Variants in MAML2 observed in about 807,000 individuals in gnomAD.
The protein encoded by MAML2 is mastermind like transcriptional coactivator 2.
Under a neutral mutation model 96.1 loss-of-function variants are expected in MAML2, and 22 were observed. That is an observed-to-expected ratio of 0.23 (90% CI 0.16 to 0.33). The LOEUF is 0.33. Ranked by LOEUF, MAML2 falls within the 10% of genes least tolerant of loss-of-function variation. The pLI is 1.00. For missense variants in MAML2, 1,367 were observed against 1,392.4 expected (o/e 0.98, Z 0.29); for synonymous variants, 561 against 521.3 (o/e 1.08, Z -1.04).
chr11:95,991,810 C>T (rs1458505087), intron 2 of MAML2, 87 bp from the exon 3 acceptor site: 8 of 974,916 alleles, frequency 8.2e-6, no homozygotes, highest in Non-Finnish European at 1.3e-5. Context: ...AGATTCCAAA[C>T]ATTTTTCATC....
chr11:96,112,660 C>T (rs113411562), intron 1 of MAML2, among the ~76,000 whole-genome samples: 1 of 152,190 alleles, frequency 6.6e-6, no homozygotes, highest in Non-Finnish European at 1.5e-5. Context: ...GAGGATAGGC[C>T]TCTGACCTCC....
At chr11:96,136,064 G>A (rs977838377) in intron 1 of MAML2, among the ~76,000 whole-genome samples, 7 of 151,122 alleles carry the variant, frequency 4.6e-5, no homozygotes, top group South Asian at 4.1e-4. Context: ...TCAATTATAC[G>A]TGATATGTAA....
chr11:96,227,063 G>C (rs1469704851), intron 1 of MAML2, among the ~76,000 whole-genome samples: 1 of 152,142 alleles, frequency 6.6e-6, no homozygotes, highest in Non-Finnish European at 1.5e-5. Context: ...AACATGTCAA[G>C]CTGTCTCCTA....
chr11:95,992,830 G>A (rs990574447), intron 2 of MAML2, among the ~76,000 whole-genome samples: 3 of 151,920 alleles, frequency 2.0e-5, no homozygotes, highest in African/African-American at 7.3e-5. Context: ...TTGGTCCAGG[G>A]AATATGCTTT....
chr11:95,997,951 A>C (rs1051660643), intron 2 of MAML2, among the ~76,000 whole-genome samples: 5 of 152,102 alleles, frequency 3.3e-5, no homozygotes, highest in South Asian at 2.1e-4. Context: ...TATATTTTTA[A>C]AATGTTTCCA....
intron 1 of MAML2, among the ~76,000 whole-genome samples, chr11:96,109,931 G>C (rs144276641): frequency 2.6e-5 from 4 of 152,202 alleles, no homozygotes; most frequent in Non-Finnish European, 4.4e-5. Context: ...CAAGGAACAA[G>C]AAGAGAAAAG....
chr11:96,039,315 G>A lies in MAML2; in HGVS notation c.2140-47592C>T, dbSNP rs1858768308. On this transcript the variant is annotated intron_variant, in intron 2 of 4. Transcript: ENST00000524717. ...GTGAGAGAAGAGAGAAGAGAGGGGA[G>A]AGAGGAGGAGAGGAGGGGAGGGGAG... is the stretch of plus-strand genomic sequence containing the variant. 2.1e-5 allele frequency among the ~76,000 whole-genome samples: 3 copies of A among 142,366 alleles called. No homozygotes were observed. The South Asian group carries it at 7.3e-4, about 35-fold the overall frequency. The allele number at this position is 142,366 out of a possible 152,430, so 93.4% of individuals were successfully genotyped here. A position where few individuals can be genotyped will look rare whatever the true frequency, so the allele number is the denominator to read the frequency against.
chr11:96,305,325 G>A (rs1863448708), intron 1 of MAML2, among the ~76,000 whole-genome samples: 1 of 152,094 alleles, frequency 6.6e-6, no homozygotes, highest in Admixed American at 6.6e-5. Context: ...AACACCAAGA[G>A]TGAATCCTAA....
intron 1 of MAML2, among the ~76,000 whole-genome samples, chr11:96,115,922 C>T (rs1212931285): frequency 1.3e-5 from 2 of 152,042 alleles, no homozygotes; most frequent in South Asian, 2.1e-4. Flanking sequence ...TTCATAGGTC[C>T]CCAAAGAAAC....
chr11:95,996,068 A>AAATCAATC lies in MAML2; in HGVS notation c.2140-4353_2140-4346dup, dbSNP rs58055593. 1.5e-3 allele frequency among the ~76,000 whole-genome samples: 226 copies of AAATCAATC among 151,260 alleles called. 1 individual carries two copies. Among genetic ancestry groups the AAATCAATC allele is most frequent in the South Asian group, 8.2e-3 (39 of 4,750 alleles). On this transcript the variant is annotated intron_variant, in intron 2 of 4. Coordinates refer to ENST00000524717, the MANE Select transcript of MAML2 (RefSeq NM_032427.4). ...CCCGGGAACTTAAAAGTTGAAGGAAAAATCAATCAATCAATCAATCAATCA... is the reference window on the plus strand; with the variant it reads ...CCCGGGAACTTAAAAGTTGAAGGAAAAATCAATCAATCAATCAATCAATCAATCAATCA...
chr11:96,012,530 G>C (rs1428214634), intron 2 of MAML2, among the ~76,000 whole-genome samples: 2 of 152,132 alleles, frequency 1.3e-5, no homozygotes, highest in African/African-American at 2.4e-5. Context: ...CATCTACAGA[G>C]TCTCTATGTG....
intron 1 of MAML2, among the ~76,000 whole-genome samples, chr11:96,257,782 G>T (rs772343511): frequency 3.9e-5 from 6 of 152,152 alleles, no homozygotes; most frequent in Non-Finnish European, 7.4e-5. Context: ...TATCCTGGGG[G>T]TGATGGGAAG....
chr11:96,051,728 T>G (rs1858993541), intron 2 of MAML2, among the ~76,000 whole-genome samples: 1 of 152,186 alleles, frequency 6.6e-6, no homozygotes, highest in Middle Eastern at 3.2e-3. Context: ...TAATTTGCGT[T>G]AACAAGCAAC....
intron 2 of MAML2, among the ~76,000 whole-genome samples, chr11:96,075,893 G>C (rs1859426825): frequency 6.6e-6 from 1 of 152,170 alleles, no homozygotes; most frequent in Non-Finnish European, 1.5e-5. Flanking sequence ...CATATTGATT[G>C]TATGCTAATA....
rs928195394 is a variant in MAML2, at chr11:96,301,948, G to A, written c.513+39435C>T. ...AAGATTAACATTGAAGAGCTATTGC[G>A]ACCTTATTCTCTTATATTTCTTAGT... On this transcript the variant is annotated intron_variant, in intron 1 of 4. Transcript: ENST00000524717. Among the ~76,000 whole-genome samples, 4 of 152,246 alleles carry A rather than the reference G, an allele frequency of 2.6e-5. No homozygotes were observed. In the South Asian group the frequency reaches 8.3e-4, roughly 32 times the overall value.
At chr11:96,177,965 A>G (rs999431463) in intron 1 of MAML2, among the ~76,000 whole-genome samples, 1 of 128,824 alleles carries the variant, frequency 7.8e-6, no homozygotes, top group Non-Finnish European at 1.8e-5. Flanking sequence ...TGTTTAAATA[A>G]GATCCTCTAC....
At chr11:96,177,485 T>C (rs1861405293) in intron 1 of MAML2, among the ~76,000 whole-genome samples, 3 of 152,178 alleles carry the variant, frequency 2.0e-5, no homozygotes, top group Admixed American at 2.0e-4. Flanking sequence ...CAGACAACCG[T>C]CCAAGTGACA....
At chr11:96,249,634 AC>A (rs1384170010) in intron 1 of MAML2, among the ~76,000 whole-genome samples, 4 of 152,054 alleles carry the variant, frequency 2.6e-5, no homozygotes, top group Non-Finnish European at 1.5e-5. Flanking sequence ...TTGACACCCT[AC>A]ATCCAACGTA....
chr11:96,068,438 TCACA>T (rs10522513), intron 2 of MAML2, among the ~76,000 whole-genome samples: 3,628 of 120,338 alleles, frequency 0.03, 66 homozygotes, highest in Middle Eastern at 0.052. Flanking sequence ...GGAGCTTACT[TCACA>T]CACACACACA....
Sources: allele counts gnomAD v4.1 joint callset (sites outside exome capture counted in the v4.1 genomes callset), GRCh38; gene constraint gnomAD v4.1.1; transcripts MANE v1.5; gene names NCBI Gene and HGNC (gene_info 2026-07-23, HGNC 2026-07-21).